Variants in AKAP19 observed in about 807,000 individuals in gnomAD.
AKAP19 encodes the protein small A-kinase anchoring protein.
chr2:189,951,362 C>T, the AKAP19 span, among the ~76,000 whole-genome samples: 45 of 152,060 alleles, frequency 3.0e-4, no homozygotes, highest in South Asian at 6.2e-4. Context: ...CCAGCGCACC[C>T]GGCTAATTTT....
the AKAP19 span, among the ~76,000 whole-genome samples, chr2:190,155,290 A>G: frequency 6.6e-6 from 1 of 152,300 alleles, no homozygotes; most frequent in East Asian, 1.9e-4. Context: ...AGAACTAACA[A>G]CAGAATAAAG....
chr2:189,953,649 A>AAAC, the AKAP19 span, among the ~76,000 whole-genome samples: 1 of 144,194 alleles, frequency 6.9e-6, no homozygotes, highest in African/African-American at 2.5e-5. Context: ...AAAAAAAAAA[A>AAAC]AAAAAAAAAA....
the AKAP19 span, among the ~76,000 whole-genome samples, chr2:189,954,208 A>C: frequency 6.6e-6 from 1 of 152,234 alleles, no homozygotes; most frequent in African/African-American, 2.4e-5. Flanking sequence ...ACTTTATCAG[A>C]TTATAAGAAA....
the AKAP19 span, among the ~76,000 whole-genome samples, chr2:190,191,984 G>GT: frequency 6.6e-6 from 1 of 150,956 alleles, no homozygotes; most frequent in East Asian, 2.0e-4. Context: ...TAGTTTACCA[G>GT]TTTTTTTCTT....
the AKAP19 span, among the ~76,000 whole-genome samples, chr2:190,175,101 C>G: frequency 1.3e-5 from 2 of 148,548 alleles, no homozygotes; most frequent in Non-Finnish European, 3.0e-5. Flanking sequence ...ACAACAACAA[C>G]AACAAAATCA....
chr2:190,059,038 TAAA>T, the AKAP19 span, among the ~76,000 whole-genome samples: 2 of 151,388 alleles, frequency 1.3e-5, no homozygotes, highest in Non-Finnish European at 2.9e-5. Context: ...AATAAAGTAA[TAAA>T]AATGAAAAAA....
chr2:190,197,794 T>C, the AKAP19 span, among the ~76,000 whole-genome samples: 6 of 152,364 alleles, frequency 3.9e-5, no homozygotes, highest in African/African-American at 9.6e-5. The surrounding 1 kb of genome is among the most constrained non-coding windows in gnomAD (Gnocchi z 4.0). Context: ...GGCACTACTT[T>C]GTTAGGGTAA....
the AKAP19 span, among the ~76,000 whole-genome samples, chr2:190,183,102 G>A: frequency 6.6e-6 from 1 of 152,214 alleles, no homozygotes; most frequent in Non-Finnish European, 1.5e-5. Flanking sequence ...CTGTGGCACA[G>A]TAGGAATGGT....
the AKAP19 span, among the ~76,000 whole-genome samples, chr2:189,969,744 AAAAAAG>A: frequency 2.7e-4 from 41 of 151,518 alleles, no homozygotes; most frequent in East Asian, 7.0e-3. Flanking sequence ...AAAAAAAAAA[AAAAAAG>A]ATAAAATTTC....
chr2:189,957,685 C>G, the AKAP19 span, among the ~76,000 whole-genome samples: 1 of 152,012 alleles, frequency 6.6e-6, no homozygotes, highest in Non-Finnish European at 1.5e-5. Flanking sequence ...AAGACTTTTT[C>G]AATTTTGATA....
the AKAP19 span, among the ~76,000 whole-genome samples, chr2:189,976,731 G>C: frequency 0.022 from 3,392 of 152,336 alleles, 46 homozygotes; most frequent in Admixed American, 0.03. Context: ...TCAGTCTGCT[G>C]TGCTAGCAAT....
At chr2:190,084,665 G>A in the AKAP19 span, among the ~76,000 whole-genome samples, 5 of 152,188 alleles carry the variant, frequency 3.3e-5, no homozygotes, top group African/African-American at 1.2e-4. Context: ...CCCACTTGTC[G>A]ACTATTTTTA....
the AKAP19 span, among the ~76,000 whole-genome samples, chr2:189,960,916 A>C: frequency 6.6e-6 from 1 of 152,208 alleles, no homozygotes; most frequent in Non-Finnish European, 1.5e-5. Context: ...CTGACTCCAG[A>C]CTAGAAACAA....
chr2:189,922,792 G>C, the AKAP19 span, among the ~76,000 whole-genome samples: 72 of 152,182 alleles, frequency 4.7e-4, no homozygotes, highest in African/African-American at 1.7e-3. Flanking sequence ...TTAAAGTACT[G>C]TCTATATAGT....
chr2:189,917,917 T>G, the AKAP19 span, among the ~76,000 whole-genome samples: 1 of 151,862 alleles, frequency 6.6e-6, no homozygotes, highest in Non-Finnish European at 1.5e-5. Context: ...CATGTCAAAA[T>G]TTTTTAGAAT....
the AKAP19 span, among the ~76,000 whole-genome samples, chr2:189,911,539 G>C: frequency 2.6e-5 from 4 of 152,042 alleles, no homozygotes; most frequent in African/African-American, 9.7e-5. Context: ...ATATTTATGT[G>C]TGGTAGAAAA....
chr2:190,123,015 T>C, the AKAP19 span, among the ~76,000 whole-genome samples: 1 of 152,078 alleles, frequency 6.6e-6, no homozygotes, highest in Non-Finnish European at 1.5e-5. Context: ...TCTCGCTATG[T>C]TGCCCAAGCT....
chr2:190,167,608 G>A, the AKAP19 span, among the ~76,000 whole-genome samples: 2 of 152,196 alleles, frequency 1.3e-5, no homozygotes, highest in African/African-American at 2.4e-5. Flanking sequence ...GATACAATGA[G>A]GGTAAAGGCA....
the AKAP19 span, chr2:189,923,308 T>A: frequency 1.2e-6 from 2 of 1,603,822 alleles, no homozygotes; most frequent in African/African-American, 1.3e-5. Context: ...TGTTTTCGGC[T>A]TTGTGAGAAA....
Sources: allele counts gnomAD v4.1 joint callset (sites outside exome capture counted in the v4.1 genomes callset), GRCh38; gene constraint gnomAD v4.1.1; non-coding constraint Gnocchi (gnomAD v3.1); transcripts MANE v1.5; gene names NCBI Gene and HGNC (gene_info 2026-07-23, HGNC 2026-07-21).